KIF9: variants seen among roughly 807,000 people sequenced by gnomAD.
KIF9 encodes kinesin-like protein KIF9.
A neutral mutation model predicts 94.8 loss-of-function variants in KIF9; 68 were observed. The observed-to-expected ratio is 0.72, with a 90% CI of 0.59 to 0.88. The LOEUF (loss-of-function observed/expected upper bound fraction) is 0.88, where lower values mean the gene tolerates loss of function less well. KIF9 is among the 40% of genes least tolerant of loss of function. KIF9 has a pLI of 0.00. For missense variants in KIF9, 882 were observed against 982.5 expected, an observed-to-expected ratio of 0.90 and a Z score of 1.37; for synonymous variants, 343 against 362.1, an observed-to-expected ratio of 0.95 and a Z score of 0.60.
chr3:47,261,993 A>G (rs1701004330), intron 9 of KIF9, among the ~76,000 whole-genome samples: 1 of 152,234 alleles, frequency 6.6e-6, no homozygotes, highest in South Asian at 2.1e-4. Context: ...ATTAGCTTCC[A>G]TACCCCCAAT....
At chr3:47,253,399 G>A (rs922165800) in intron 10 of KIF9, among the ~76,000 whole-genome samples, 2 of 151,798 alleles carry the variant, frequency 1.3e-5, no homozygotes, top group Admixed American at 6.6e-5. Context: ...CAAGTGACCC[G>A]CCTGCCTCAG....
At chr3:47,251,349 T>C (rs1700258048) in intron 10 of KIF9, among the ~76,000 whole-genome samples, 2 of 152,140 alleles carry the variant, frequency 1.3e-5, no homozygotes. Flanking sequence ...GCAGATCACT[T>C]GAGGTCAGGA....
rs753586581 is a variant in KIF9, at chr3:47,275,337, C to A, written c.247G>T (p.Asp83Tyr). The A allele has an allele frequency of 6.2e-6, 10 of 1,610,786 alleles. No homozygotes were observed. The highest frequency in any genetic ancestry group is 8.5e-6 in the Non-Finnish European group (10 of 1,178,806). The change falls in exon 3 of 21, where the codon GAT becomes TAT. Residue 83 changes from aspartate (D) to tyrosine (Y), a missense_variant. Transcript: ENST00000684063. ...TTAATTAAGTTACCATTATAGCCAT[C>A]GAGGGCCTGAGAAACCACATCCTTT... The part of the protein sequence containing the change: ...VAKDVVSQAL[D>Y]GYNGTIMCYG...
At chr3:47,245,784 C>T (rs1699885182) in intron 13 of KIF9, 1 of 520,778 alleles carries the variant, frequency 1.9e-6, no homozygotes. Context: ...GTAAGCTTCA[C>T]TTGGGACCAT....
chr3:47,245,072 G>T (rs1379274010), intron 14 of KIF9, 148 bp from the exon 15 acceptor site: 7 of 1,084,764 alleles, frequency 6.5e-6, no homozygotes, highest in Non-Finnish European at 9.1e-6. Context: ...GCCTCAGGCT[G>T]TCCCCTGTAG....
intron 12 of KIF9, 95 bp downstream of exon 12, chr3:47,247,278 T>A (rs55813037): frequency 6.3e-6 from 5 of 799,264 alleles, no homozygotes; most frequent in Non-Finnish European, 8.8e-6. Flanking sequence ...CCCATTCACA[T>A]GAGGCTCTGA....
chr3:47,254,048 A>C (rs1700425421), intron 10 of KIF9, among the ~76,000 whole-genome samples: 1 of 152,224 alleles, frequency 6.6e-6, no homozygotes, highest in African/African-American at 2.4e-5. Context: ...CATTTACCCC[A>C]TGACAGCACT....
chr3:47,263,753 G>A (rs1701123547), intron 9 of KIF9: 1 of 432,906 alleles, frequency 2.3e-6, no homozygotes, highest in Admixed American at 2.5e-5. Flanking sequence ...TAGGACCATG[G>A]CTTCTCTCTC....
intron 1 of KIF9, among the ~76,000 whole-genome samples, chr3:47,278,512 G>A (rs1702117098): frequency 6.6e-6 from 1 of 152,162 alleles, no homozygotes; most frequent in African/African-American, 2.4e-5. Context: ...TAAGACTACA[G>A]GCGCATGGCT....
Position 47,282,564 on chromosome 3 carries a change from G to A in KIF9, c.-75C>T. ...GAAACCACCTGCACTCCCCACGCGG[G>A]GCTGCCTGGCTGTGTACATAGTCGC... is the stretch of plus-strand genomic sequence containing the variant. On this transcript the variant is annotated 5_prime_UTR_variant, in exon 1 of 21. Coordinates refer to ENST00000684063, the MANE Select transcript of KIF9 (RefSeq NM_182902.4). 2 of 1,024,548 alleles carry A rather than the reference G, an allele frequency of 2.0e-6. No homozygotes were observed. Among genetic ancestry groups the A allele is most frequent in the Non-Finnish European group, 2.3e-6 (2 of 852,606 alleles). 63.5% of individuals were successfully genotyped at this position (1,024,548 alleles called of 1,614,324 possible).
At position 47,267,220 on chromosome 3, in the gene KIF9, T is replaced by A; in HGVS notation, c.635A>T (p.Asn212Ile). 1.2e-6 allele frequency: 2 copies of A among 1,613,452 alleles called. No homozygotes were observed. Among genetic ancestry groups the A allele is most frequent in the Non-Finnish European group, 1.7e-6 (2 of 1,179,700 alleles). ...GAAAATGCAGTGTGATCTGGAAGAG[T>A]TTTTGTTCATAGTGTGGGAGGCTAT... ...RIIASHTMNKNSSRSHCIFTI... is the reference protein window; with the variant it reads ...RIIASHTMNKISSRSHCIFTI... Residue 212 changes from asparagine (N) to isoleucine (I), a missense_variant, in exon 6 of 21, where the codon AAC becomes ATC. Transcript: ENST00000684063.
At chr3:47,245,122 A>G in intron 14 of KIF9, 198 bp from the exon 15 acceptor site, 1 of 646,272 alleles carries the variant, frequency 1.5e-6, no homozygotes, top group Non-Finnish European at 2.6e-6. Context: ...CACTTTCCAC[A>G]TGCACCCCCT....
rs1011525193 is a variant in KIF9, at chr3:47,228,652, C to G, written c.2373G>C (p.Ter791TyrextTer18). ...CCTTTAAGGTACTGGCGATGAGGTT[C>G]TATTTTCTATGTGCCTGCTGGAGGC... is the stretch of plus-strand genomic sequence containing the variant. ...MMGLQQAHRK* is the reference protein window; with the variant it reads ...MMGLQQAHRKY The change falls in exon 21 of 21, where the codon TAG becomes TAC. Residue 791 changes from the stop codon to tyrosine, a stop_lost. Coordinates refer to ENST00000684063, the MANE Select transcript of KIF9 (RefSeq NM_182902.4). The G allele has an allele frequency of 6.2e-7, 1 of 1,613,284 alleles. No homozygotes were observed. The highest frequency in any genetic ancestry group is 1.3e-5 in the African/African-American group (1 of 74,868).
intron 12 of KIF9, 38 bp downstream of exon 12, chr3:47,247,335 G>T: frequency 6.9e-7 from 1 of 1,442,660 alleles, no homozygotes; most frequent in Non-Finnish European, 9.8e-7. Context: ...GGGAGGCCCA[G>T]GCTGGCTGAG....
At chr3:47,264,399 C>T in intron 8 of KIF9, 49 bp from the exon 9 acceptor site, 2 of 1,502,746 alleles carry the variant, frequency 1.3e-6, no homozygotes, top group Non-Finnish European at 1.9e-6. Context: ...GTTTTTTCTG[C>T]TCCAAAGGAG....
intron 1 of KIF9, 165 bp downstream of exon 1, chr3:47,282,330 G>A (rs1276302335): frequency 2.0e-6 from 2 of 986,150 alleles, no homozygotes; most frequent in African/African-American, 1.7e-5. Flanking sequence ...CAGGTTGAAA[G>A]GACTCCCGCG....
chr3:47,263,663 C>T (rs1421021054), intron 9 of KIF9: 3 of 356,910 alleles, frequency 8.4e-6, no homozygotes, highest in African/African-American at 6.4e-5. Context: ...TCTTTCCCTA[C>T]TCCAGCTTCA....
At chr3:47,274,058 T>C (rs754364481) in intron 3 of KIF9, among the ~76,000 whole-genome samples, 4 of 152,178 alleles carry the variant, frequency 2.6e-5, no homozygotes, top group Non-Finnish European at 4.4e-5. Flanking sequence ...GGTCTCAGGG[T>C]TGGCAGGAGG....
intron 9 of KIF9, among the ~76,000 whole-genome samples, chr3:47,261,688 G>A (rs1032535925): frequency 2.6e-5 from 4 of 152,184 alleles, no homozygotes; most frequent in Non-Finnish European, 5.9e-5. Context: ...CAGGACCACT[G>A]ACAGATCTCA....
Sources: allele counts gnomAD v4.1 joint callset (sites outside exome capture counted in the v4.1 genomes callset), GRCh38; gene constraint gnomAD v4.1.1; transcripts MANE v1.5; gene names NCBI Gene and HGNC (gene_info 2026-07-23, HGNC 2026-07-21).